TASP1: variants seen among roughly 807,000 people sequenced by gnomAD.
The protein encoded by TASP1 is taspase 1, also known as threonine aspartase 1.
Under a neutral mutation model 56.6 loss-of-function variants are expected in TASP1, and 16 were observed. The observed-to-expected ratio is 0.28, with a 90% CI of 0.19 to 0.43. The LOEUF is 0.43. TASP1 is among the 20% of genes least tolerant of loss of function. The pLI is 1.00. For missense variants in TASP1, 393 were observed against 511.6 expected, an observed-to-expected ratio of 0.77 and a Z score of 2.24; for synonymous variants, 179 against 184.2, an observed-to-expected ratio of 0.97 and a Z score of 0.23.
intron 11 of TASP1, among the ~76,000 whole-genome samples, chr20:13,474,577 A>T (rs761221611): frequency 6.6e-6 from 1 of 152,196 alleles, no homozygotes; most frequent in Non-Finnish European, 1.5e-5. Context: ...GCAATTATAA[A>T]TTGTGCTCCT....
the TASP1 span, among the ~76,000 whole-genome samples, chr20:13,280,544 T>C: frequency 1.3e-5 from 2 of 152,214 alleles, no homozygotes; most frequent in Non-Finnish European, 2.9e-5. Flanking sequence ...AGAACTCAGC[T>C]CCACTCAGTC....
the TASP1 span, among the ~76,000 whole-genome samples, chr20:13,205,662 C>T: frequency 2.0e-4 from 31 of 152,302 alleles, no homozygotes; most frequent in South Asian, 6.2e-4. Flanking sequence ...GGGCTTCACC[C>T]TCATGACCCA....
chr20:13,566,953 T>A (rs2046550892), intron 7 of TASP1, among the ~76,000 whole-genome samples: 1 of 152,194 alleles, frequency 6.6e-6, no homozygotes, highest in Non-Finnish European at 1.5e-5. Context: ...TACAAGTTGT[T>A]CTGTCATAAA....
chr20:13,355,529 G>A, the TASP1 span, among the ~76,000 whole-genome samples: 2 of 152,182 alleles, frequency 1.3e-5, no homozygotes, highest in African/African-American at 4.8e-5. Flanking sequence ...TGGTGTTTTA[G>A]GACTGCACTC....
chr20:13,619,190 G>A (rs1373802411), intron 4 of TASP1, among the ~76,000 whole-genome samples: 1 of 152,078 alleles, frequency 6.6e-6, no homozygotes, highest in East Asian at 1.9e-4. Context: ...GAGCCACCGT[G>A]CCCGGCCCCT....
chr20:13,245,208 A>G, the TASP1 span: 3 of 152,152 alleles, frequency 2.0e-5, no homozygotes, highest in Non-Finnish European at 2.9e-5. Flanking sequence ...TTATCTCAGA[A>G]CTTCCATGGG....
At chr20:13,119,840 G>GA in the TASP1 span, among the ~76,000 whole-genome samples, 1 of 152,186 alleles carries the variant, frequency 6.6e-6, no homozygotes, top group Non-Finnish European at 1.5e-5. Flanking sequence ...GGGCATTTGA[G>GA]AAAATGCCTG....
intron 10 of TASP1, among the ~76,000 whole-genome samples, chr20:13,502,068 T>C (rs952512537): frequency 2.6e-5 from 4 of 151,914 alleles, no homozygotes; most frequent in Non-Finnish European, 2.9e-5. Flanking sequence ...TTGAAATACA[T>C]CAAATATATA....
intron 12 of TASP1, among the ~76,000 whole-genome samples, chr20:13,424,622 G>A (rs1411238553): frequency 6.6e-6 from 1 of 151,928 alleles, no homozygotes. Flanking sequence ...TCTCGGTGTG[G>A]TCAAGCTCAA....
the TASP1 span, among the ~76,000 whole-genome samples, chr20:13,201,286 T>C: frequency 1.3e-5 from 2 of 152,066 alleles, no homozygotes; most frequent in African/African-American, 4.8e-5. Context: ...GGAAAAGAGA[T>C]GATAGAGACC....
chr20:13,437,140 C>T (rs1402985424), intron 11 of TASP1, among the ~76,000 whole-genome samples: 4 of 152,124 alleles, frequency 2.6e-5, no homozygotes, highest in Admixed American at 2.6e-4. Context: ...TCCAGCAGCA[C>T]ATCAAAAAGC....
chr20:13,288,986 C>T, the TASP1 span, among the ~76,000 whole-genome samples: 4 of 152,074 alleles, frequency 2.6e-5, no homozygotes, highest in African/African-American at 9.7e-5. Context: ...AGGGGTTTCA[C>T]CATGTTGGCC....
intron 13 of TASP1, among the ~76,000 whole-genome samples, chr20:13,412,112 C>T (rs994249162): frequency 6.6e-6 from 1 of 152,276 alleles, no homozygotes; most frequent in African/African-American, 2.4e-5. Context: ...CAATTCTTTG[C>T]TCTGCTCCAA....
chr20:13,158,032 T>A, the TASP1 span, among the ~76,000 whole-genome samples: 1 of 152,228 alleles, frequency 6.6e-6, no homozygotes. Flanking sequence ...AGCTGTGCAA[T>A]GTGGTTTTAC....
At chr20:13,246,713 C>T in the TASP1 span, among the ~76,000 whole-genome samples, 1 of 152,222 alleles carries the variant, frequency 6.6e-6, no homozygotes, top group African/African-American at 2.4e-5. Flanking sequence ...AGACCTTGTC[C>T]AATCCCCCAG....
At chr20:13,115,452 G>A in the TASP1 span, among the ~76,000 whole-genome samples, 2 of 152,118 alleles carry the variant, frequency 1.3e-5, no homozygotes, top group Non-Finnish European at 2.9e-5. Flanking sequence ...TGCCCGCAGT[G>A]TCTACAAACA....
intron 10 of TASP1, among the ~76,000 whole-genome samples, chr20:13,515,242 C>T (rs931438475): frequency 3.0e-4 from 46 of 152,122 alleles, no homozygotes; most frequent in Non-Finnish European, 2.9e-5. Flanking sequence ...ACCAAATGGT[C>T]GGTTGTTAAA....
chr20:13,198,295 G>A, the TASP1 span, among the ~76,000 whole-genome samples: 1 of 151,996 alleles, frequency 6.6e-6, no homozygotes, highest in Non-Finnish European at 1.5e-5. Context: ...TGAGATTGAG[G>A]TGCCAATGTG....
the TASP1 span, among the ~76,000 whole-genome samples, chr20:13,205,568 G>A: frequency 2.2e-4 from 32 of 148,756 alleles, no homozygotes; most frequent in Non-Finnish European, 3.4e-4. Flanking sequence ...TCATCTCCTT[G>A]TCTATCCTCA....
Sources: gnomAD v4.1 joint callset for allele counts (sites outside exome capture counted in the v4.1 genomes callset) on GRCh38, gnomAD v4.1.1 for gene constraint, MANE v1.5 for transcripts, NCBI Gene and HGNC (gene_info 2026-07-23, HGNC 2026-07-21) for gene names.